The following VWA8 variants were observed in gnomAD, a reference collection of about 807,000 sequenced individuals.
VWA8 encodes von Willebrand factor A domain-containing protein 8.
VWA8 carries 221 observed loss-of-function variants against 241.5 expected under a neutral mutation model. The observed-to-expected ratio is 0.91, with a 90% CI of 0.82 to 1.02. The LOEUF is 1.02. Among genes scored for constraint, VWA8 ranks in the 50% least tolerant of loss-of-function variants. VWA8 has a pLI of 0.00. For missense variants in VWA8, 2,322 were observed against 2,328.7 expected (o/e 1.00, Z 0.06); for synonymous variants, 852 against 827.1 (o/e 1.03, Z -0.52).
chr13:41,653,263 C>A (rs1412703016), intron 37 of VWA8, among the ~76,000 whole-genome samples: 1 of 152,020 alleles, frequency 6.6e-6, no homozygotes, highest in Non-Finnish European at 1.5e-5. Flanking sequence ...ATACCAGTAA[C>A]GTCCAAGCTG....
At chr13:41,803,026 G>A (rs1424747951) in intron 17 of VWA8, among the ~76,000 whole-genome samples, 1 of 152,200 alleles carries the variant, frequency 6.6e-6, no homozygotes, top group Non-Finnish European at 1.5e-5. Flanking sequence ...CTGTCTAGCA[G>A]TCCAAGGAAT....
Position 41,843,996 on chromosome 13 carries a change from G to A in VWA8, c.1426-10465C>T, listed in dbSNP as rs1872174788. Among the ~76,000 whole-genome samples, 4 of 152,094 alleles carry A rather than the reference G, an allele frequency of 2.6e-5. No individual in the cohort carries two copies. In the South Asian group the frequency reaches 8.3e-4, roughly 32 times the overall value. On this transcript the variant is annotated intron_variant, in intron 12 of 44. Transcript: ENST00000379310. Reference sequence around the variant, plus strand: ...CTCTCTAACTCGTTCTACAAAGCTAGCATCATTCTGATACCAAAATCTGGC... The same window carrying A: ...CTCTCTAACTCGTTCTACAAAGCTAACATCATTCTGATACCAAAATCTGGC...
chr13:41,672,893 G>A (rs1306954714), intron 36 of VWA8, among the ~76,000 whole-genome samples: 1 of 152,084 alleles, frequency 6.6e-6, no homozygotes, highest in Non-Finnish European at 1.5e-5. Flanking sequence ...TAACTATGTT[G>A]TTTGAAATTC....
At chr13:41,738,268 T>C (rs2045541078) in intron 21 of VWA8, among the ~76,000 whole-genome samples, 1 of 152,118 alleles carries the variant, frequency 6.6e-6, no homozygotes, top group Non-Finnish European at 1.5e-5. Flanking sequence ...ATCACTAACA[T>C]GCTCAGATGC....
At position 41,596,863 on chromosome 13, in the gene VWA8, CTT is replaced by C. The variant is rs1310565957; in HGVS notation, c.4987-6100_4987-6099del. ...TAGCACTAAAGACAGAATAAATAAA[CTT>C]GACAAAAACCAATCATCTTGTGGTT... On this transcript the variant is annotated intron_variant, in intron 40 of 44. Coordinates refer to ENST00000379310, the MANE Select transcript of VWA8 (RefSeq NM_015058.2). Among the ~76,000 whole-genome samples, 4 of 149,290 alleles carry C rather than the reference CTT, an allele frequency of 2.7e-5. No homozygotes were observed. The East Asian group carries it at 8.0e-4, about 30-fold the overall frequency.
At position 41,581,292 on chromosome 13, in the gene VWA8, G is replaced by A. The variant is rs930744673; in HGVS notation, c.5272-5454C>T. 7.9e-5 allele frequency among the ~76,000 whole-genome samples: 6 copies of A among 76,426 alleles called. 2 individuals are homozygous for A. The highest frequency in any genetic ancestry group is 6.4e-5 in the Non-Finnish European group (3 of 46,658). 50.1% of individuals were successfully genotyped at this position (76,426 alleles called of 152,430 possible). On this transcript the variant is annotated intron_variant, in intron 42 of 44. Transcript: ENST00000379310. ...GCTGGGATTACAGGCGTGAGCCACC[G>A]CGCCCGGCCGAGAGTGAGTCATCTA...
intron 9 of VWA8, among the ~76,000 whole-genome samples, chr13:41,874,996 G>A (rs920129977): frequency 5.9e-5 from 9 of 152,058 alleles, no homozygotes; most frequent in African/African-American, 2.2e-4. Flanking sequence ...CCCCATTAGG[G>A]CAATATTAAA....
intron 2 of VWA8, among the ~76,000 whole-genome samples, chr13:41,930,759 C>T (rs1036874040): frequency 1.7e-4 from 26 of 152,098 alleles, no homozygotes; most frequent in African/African-American, 4.6e-4. Context: ...GTCCCATCCC[C>T]GCAATGTCGC....
Position 41,868,228 on chromosome 13 carries a change from C to T in VWA8, c.1212+118G>A, listed in dbSNP as rs984986707. On this transcript the variant is annotated intron_variant, in intron 10 of 44. Transcript: ENST00000379310. Reference sequence around the variant, plus strand: ...TCTGGAGACATAGACATATAGATACCGACAGAAGCAGTACTATCAAGAGAG... The same window carrying T: ...TCTGGAGACATAGACATATAGATACTGACAGAAGCAGTACTATCAAGAGAG... 1.3e-5 allele frequency: 15 copies of T among 1,160,542 alleles called. 1 individual carries two copies. In the South Asian group the frequency reaches 1.4e-4, roughly 11 times the overall value. The allele number at this position is 1,160,542 out of a possible 1,614,324, so 71.9% of individuals were successfully genotyped here. A position where few individuals can be genotyped will look rare whatever the true frequency, so the allele number is the denominator to read the frequency against.
At chr13:41,670,485 G>A (rs1028763206) in intron 37 of VWA8, among the ~76,000 whole-genome samples, 7 of 151,980 alleles carry the variant, frequency 4.6e-5, no homozygotes, top group Admixed American at 6.6e-5. Context: ...GATAAAAAAC[G>A]TTCTATTGGA....
chr13:41,732,486 A>G (rs2045492590), intron 21 of VWA8, among the ~76,000 whole-genome samples: 2 of 148,214 alleles, frequency 1.3e-5, no homozygotes, highest in African/African-American at 4.9e-5. Context: ...AAACTAAAAA[A>G]TATATATATA....
chr13:41,816,493 A>G (rs1197898540), intron 16 of VWA8, among the ~76,000 whole-genome samples: 1 of 152,222 alleles, frequency 6.6e-6, no homozygotes, highest in Non-Finnish European at 1.5e-5. Context: ...GTTTCTTTCT[A>G]TAACATCAGC....
intron 24 of VWA8, among the ~76,000 whole-genome samples, chr13:41,725,474 G>T (rs532515549): frequency 6.6e-6 from 1 of 152,284 alleles, no homozygotes; most frequent in Admixed American, 6.5e-5. Context: ...AAGACTGCTG[G>T]AATAAAAATA....
intron 5 of VWA8, among the ~76,000 whole-genome samples, chr13:41,889,201 G>T (rs1264656762): frequency 1.3e-5 from 2 of 152,174 alleles, no homozygotes; most frequent in Admixed American, 1.3e-4. Flanking sequence ...GTCTTAAGAT[G>T]ATAGTGCTTT....
intron 42 of VWA8, among the ~76,000 whole-genome samples, chr13:41,584,748 A>T (rs1485720216): frequency 6.6e-6 from 1 of 152,168 alleles, no homozygotes; most frequent in Non-Finnish European, 1.5e-5. Context: ...TTTCAGTCAG[A>T]TGTTAACTAT....
At chr13:41,956,540 A>T (rs1181147877) in intron 1 of VWA8, among the ~76,000 whole-genome samples, 1 of 152,222 alleles carries the variant, frequency 6.6e-6, no homozygotes, top group Non-Finnish European at 1.5e-5. Flanking sequence ...TAAAGTAGTT[A>T]ATAATTTCCC....
At chr13:41,750,336 G>T (rs1290321105) in intron 21 of VWA8, among the ~76,000 whole-genome samples, 1 of 151,958 alleles carries the variant, frequency 6.6e-6, no homozygotes, top group Non-Finnish European at 1.5e-5. Context: ...GGGAGGCTGA[G>T]GCAGAAGAAT....
chr13:41,599,794 T>C (rs1033047224), intron 40 of VWA8, among the ~76,000 whole-genome samples: 1 of 152,208 alleles, frequency 6.6e-6, no homozygotes, highest in Non-Finnish European at 1.5e-5. Flanking sequence ...TTTGGGCATT[T>C]GGCTCCTTTG....
intron 32 of VWA8, among the ~76,000 whole-genome samples, chr13:41,690,837 G>A (rs1448223129): frequency 2.0e-5 from 3 of 152,064 alleles, no homozygotes; most frequent in Non-Finnish European, 2.9e-5. Flanking sequence ...CTTTCATCAA[G>A]AACTGCACAG....
Sources: gnomAD v4.1 joint callset for allele counts (sites outside exome capture counted in the v4.1 genomes callset) on GRCh38, gnomAD v4.1.1 for gene constraint, MANE v1.5 for transcripts, NCBI Gene and HGNC (gene_info 2026-07-23, HGNC 2026-07-21) for gene names.